RPP30: variants seen among roughly 807,000 people sequenced by gnomAD.
RPP30 encodes the protein ribonuclease P/MRP subunit p30, also known as ribonuclease P protein subunit p30.
In RPP30, 36 loss-of-function variants were observed where a neutral mutation model predicts 38.6. That is an observed-to-expected ratio of 0.93 (90% CI 0.71 to 1.23). The LOEUF is 1.23. Among genes scored for constraint, RPP30 ranks in the 50% most tolerant of loss-of-function variants. The pLI, the probability that RPP30 is intolerant of heterozygous loss-of-function variation, is 0.00. For synonymous variants in RPP30, 126 were observed against 112.7 expected (o/e 1.12, Z -0.75); for missense variants, 321 against 321.7 (o/e 1.00, Z 0.02).
downstream of RPP30, among the ~76,000 whole-genome samples, chr10:90,904,053 G>A (rs1045637880): frequency 5.9e-5 from 9 of 152,056 alleles, no homozygotes; most frequent in African/African-American, 2.2e-4. Context: ...TTGGTCTTTG[G>A]ACTTGGTATT....
At chr10:90,888,143 A>G in intron 6 of RPP30, among the ~76,000 whole-genome samples, 1 of 152,220 alleles carries the variant, frequency 6.6e-6, no homozygotes, top group East Asian at 1.9e-4. Flanking sequence ...TGGGCACTAT[A>G]GCTACTCAGC....
At chr10:90,874,197 TGATTTA>T (rs981145602) in intron 1 of RPP30, among the ~76,000 whole-genome samples, 1 of 152,202 alleles carries the variant, frequency 6.6e-6, no homozygotes, top group Admixed American at 6.5e-5. Flanking sequence ...ATGGGAGTCA[TGATTTA>T]GATTTTTTTT....
At chr10:90,889,174 G>T (rs10881846) in intron 6 of RPP30, among the ~76,000 whole-genome samples, 39,602 of 151,992 alleles carry the variant, frequency 0.26, 5,908 homozygotes, top group African/African-American at 0.42. Context: ...TCTACATAAA[G>T]TATGGAAATG....
chr10:90,878,591 A>C (rs1053864061), intron 4 of RPP30, among the ~76,000 whole-genome samples: 11 of 151,894 alleles, frequency 7.2e-5, no homozygotes, highest in African/African-American at 2.4e-4. Context: ...TATGGGACTC[A>C]AGAGACCCTT....
intron 6 of RPP30, among the ~76,000 whole-genome samples, chr10:90,890,757 A>G (rs555155972): frequency 2.0e-5 from 3 of 152,180 alleles, no homozygotes; most frequent in African/African-American, 7.2e-5. Flanking sequence ...CACTCATGTC[A>G]TAGACAAAAT....
chr10:90,901,718 T>C lies in RPP30; in HGVS notation c.*1039T>C. ...AATACATGCATTTATGCAATATTAA[T>C]GTAAGGGCTCTAAAACAATGGAGTA... is the stretch of plus-strand genomic sequence containing the variant. On this transcript the variant is annotated 3_prime_UTR_variant, in exon 11 of 11. Coordinates refer to ENST00000371703, the MANE Select transcript of RPP30 (RefSeq NM_006413.5). 1 of 984,124 alleles carries C rather than the reference T, an allele frequency of 1.0e-6. No individual in the cohort carries two copies. The highest frequency in any genetic ancestry group is 4.7e-5 in the South Asian group (1 of 21,256). The allele number at this position is 984,124 out of a possible 1,614,324, so 61.0% of individuals were successfully genotyped here. A position where few individuals can be genotyped will look rare whatever the true frequency, so the allele number is the denominator to read the frequency against.
chr10:90,901,751 A>T lies in RPP30; in HGVS notation c.*1072A>T. 1.0e-6 allele frequency: 1 copy of T among 984,676 alleles called. No individual in the cohort carries two copies. 61.0% of individuals were successfully genotyped at this position (984,676 alleles called of 1,614,324 possible). A position where few individuals can be genotyped will look rare whatever the true frequency, so the allele number is the denominator to read the frequency against. ...CTCTAAAACAATGGAGTAGAGCCAG[A>T]GGTATAACTGAATAAGAAATTTTTT... On this transcript the variant is annotated 3_prime_UTR_variant, in exon 11 of 11. Transcript: ENST00000371703.
chr10:90,891,363 A>G (rs1847079636), intron 6 of RPP30, among the ~76,000 whole-genome samples: 1 of 152,230 alleles, frequency 6.6e-6, no homozygotes, highest in African/African-American at 2.4e-5. Context: ...CTCATAAGAC[A>G]CCAGTCATAT....
At chr10:90,895,274 A>T in intron 7 of RPP30, 180 bp from the exon 8 acceptor site, 2 of 501,896 alleles carry the variant, frequency 4.0e-6, no homozygotes, top group Non-Finnish European at 6.9e-6. Flanking sequence ...TTTATTACAG[A>T]TTGCCTTTAG....
chr10:90,889,304 C>CTTTTTTTTTTT (rs59640704), intron 6 of RPP30, among the ~76,000 whole-genome samples: 1 of 106,536 alleles, frequency 9.4e-6, no homozygotes, highest in Non-Finnish European at 1.8e-5. Flanking sequence ...ATAAGGATTA[C>CTTTTTTTTTTT]TTTTTTTTTT....
intron 10 of RPP30, among the ~76,000 whole-genome samples, chr10:90,899,430 C>A (rs1847177175): frequency 6.6e-6 from 1 of 152,164 alleles, no homozygotes; most frequent in Middle Eastern, 3.2e-3. Flanking sequence ...TAATTCATAG[C>A]TAAATTTCTG....
chr10:90,886,314 C>T (rs1846999486), intron 6 of RPP30, among the ~76,000 whole-genome samples: 1 of 152,176 alleles, frequency 6.6e-6, no homozygotes, highest in Non-Finnish European at 1.5e-5. Flanking sequence ...CATGGCATCA[C>T]ATAGACGTGG....
intron 1 of RPP30, among the ~76,000 whole-genome samples, chr10:90,872,712 G>T (rs915059032): frequency 1.3e-5 from 2 of 152,140 alleles, no homozygotes; most frequent in Non-Finnish European, 2.9e-5. Flanking sequence ...AGATTAAAAA[G>T]AATCAAGAGG....
chr10:90,894,702 AAG>A (rs936679579), intron 6 of RPP30, 71 bp from the exon 7 acceptor site: 2 of 1,052,130 alleles, frequency 1.9e-6, no homozygotes, highest in African/African-American at 3.1e-5. Flanking sequence ...GAGGGATGTG[AAG>A]AGAGAATCAG....
chr10:90,872,166 C>G, intron 1 of RPP30, 98 bp downstream of exon 1: 2 of 1,008,358 alleles, frequency 2.0e-6, no homozygotes, highest in Non-Finnish European at 3.2e-6. Flanking sequence ...TCGGTCAGGT[C>G]TCCCAGAGTC....
At position 90,888,107 on chromosome 10, in the gene RPP30, TTC is replaced by T; in HGVS notation, c.432+2208_432+2209del. Reference sequence around the variant, plus strand: ...ACCAGCCTCAAACTGCCAATACAGTTTCTGTGGAAGTAGCACCCCCAGAGTTG... The same window carrying T: ...ACCAGCCTCAAACTGCCAATACAGTTTGTGGAAGTAGCACCCCCAGAGTTG... On this transcript the variant is annotated intron_variant, in intron 6 of 10. Transcript: ENST00000371703. 2.6e-5 allele frequency among the ~76,000 whole-genome samples: 4 copies of T among 152,316 alleles called. No individual in the cohort carries two copies. In the South Asian group the frequency reaches 8.3e-4, roughly 32 times the overall value.
At chr10:90,896,042 C>A in intron 9 of RPP30, 125 bp downstream of exon 9, 1 of 738,314 alleles carries the variant, frequency 1.4e-6, no homozygotes, top group Non-Finnish European at 2.3e-6. Flanking sequence ...TTAATAACTT[C>A]AAAAATAAAT....
At chr10:90,906,612 G>A (rs934029160), downstream of RPP30, among the ~76,000 whole-genome samples, 1 of 152,184 alleles carries the variant, frequency 6.6e-6, no homozygotes, top group African/African-American at 2.4e-5. Flanking sequence ...AAACATTCTG[G>A]AGGTAAGCAA....
downstream of RPP30, among the ~76,000 whole-genome samples, chr10:90,902,632 C>T (rs957778040): frequency 3.9e-5 from 6 of 152,106 alleles, no homozygotes; most frequent in South Asian, 1.2e-3. Context: ...AAGTTAAATC[C>T]ACTCCTGATT....
Sources: allele counts gnomAD v4.1 joint callset (sites outside exome capture counted in the v4.1 genomes callset), GRCh38; gene constraint gnomAD v4.1.1; transcripts MANE v1.5; gene names NCBI Gene and HGNC (gene_info 2026-07-23, HGNC 2026-07-21).